PTPRM: variants seen among roughly 807,000 people sequenced by gnomAD.
PTPRM encodes the protein receptor-type tyrosine-protein phosphatase mu.
Under a neutral mutation model 186.7 loss-of-function variants are expected in PTPRM, and 47 were observed. The ratio of observed to expected loss-of-function variants is 0.25; its 90% CI spans 0.20 to 0.32. PTPRM has a LOEUF of 0.32. Among genes scored for constraint, PTPRM ranks in the 10% least tolerant of loss-of-function variants. The probability of loss-of-function intolerance (pLI) is 1.00; values close to 1 mark genes in which losing one functional copy is unlikely to be tolerated. For synonymous variants in PTPRM, 668 were observed against 674.9 expected (o/e 0.99, Z 0.16); for missense variants, 1,494 against 1,865.0 (o/e 0.80, Z 3.66).
At chr18:7,804,289 G>A (rs1410449025) in intron 2 of PTPRM, among the ~76,000 whole-genome samples, 1 of 152,108 alleles carries the variant, frequency 6.6e-6, no homozygotes, top group Non-Finnish European at 1.5e-5. Context: ...AAGTCCTGGA[G>A]TTGAGTCTCA....
intron 2 of PTPRM, among the ~76,000 whole-genome samples, chr18:7,832,112 T>A (rs1011350264): frequency 6.6e-6 from 1 of 152,224 alleles, no homozygotes; most frequent in Admixed American, 6.5e-5. Flanking sequence ...CTCTTCCATA[T>A]GCTGATTTCT....
chr18:8,341,647 C>T (rs1290997602), intron 22 of PTPRM, among the ~76,000 whole-genome samples: 1 of 151,016 alleles, frequency 6.6e-6, no homozygotes, highest in Non-Finnish European at 1.5e-5. Context: ...CTGGAAGTTT[C>T]TGAGTAGGTG....
chr18:7,867,143 CTT>C (rs2047749208), intron 2 of PTPRM, among the ~76,000 whole-genome samples: 1 of 152,200 alleles, frequency 6.6e-6, no homozygotes, highest in South Asian at 2.1e-4. Context: ...GGTCTCGACT[CTT>C]TGTCCAGTTT....
chr18:7,939,863 G>C (rs1057436421), intron 5 of PTPRM, among the ~76,000 whole-genome samples: 1 of 152,132 alleles, frequency 6.6e-6, no homozygotes, highest in Non-Finnish European at 1.5e-5. Context: ...AGTGCTTGAC[G>C]GGGCTGCCTG....
chr18:7,594,619 A>C (rs751476613), intron 1 of PTPRM, among the ~76,000 whole-genome samples: 1 of 152,234 alleles, frequency 6.6e-6, no homozygotes, highest in Non-Finnish European at 1.5e-5. Context: ...AAGGAAATGC[A>C]GAAAGCCTTT....
rs1472903641 is a variant in PTPRM, at chr18:8,319,118, G to T, written c.2920-60G>T. The T allele has an allele frequency of 3.4e-6, 4 of 1,181,780 alleles. No individual in the cohort carries two copies. The South Asian group carries it at 4.0e-5, about 12-fold the overall frequency. 73.2% of individuals were successfully genotyped at this position (1,181,780 alleles called of 1,614,324 possible). ...ATTCCTTTCAGCAAAGTTAGCATGC[G>T]ACTTATCTGCTGTTTATCGATTTTA... On this transcript the variant is annotated intron_variant, in intron 21 of 32. Transcript: ENST00000580170.
At chr18:7,692,877 A>C (rs1050163050) in intron 1 of PTPRM, among the ~76,000 whole-genome samples, 3 of 152,342 alleles carry the variant, frequency 2.0e-5, no homozygotes, top group Admixed American at 1.3e-4. Context: ...GAGATGGTAC[A>C]TTTATCCTTC....
At chr18:7,571,147 G>A (rs1023477372) in intron 1 of PTPRM, among the ~76,000 whole-genome samples, 1 of 151,918 alleles carries the variant, frequency 6.6e-6, no homozygotes, top group Non-Finnish European at 1.5e-5. Context: ...TCACCATGTT[G>A]GCCAGGATGG....
Position 8,304,053 on chromosome 18 carries a change from A to G in PTPRM, c.2842+7598A>G, listed in dbSNP as rs142379682. On this transcript the variant is annotated intron_variant, in intron 20 of 32. Coordinates refer to ENST00000580170, the MANE Select transcript of PTPRM (RefSeq NM_001105244.2). ...TATTACCTTGATAATTGTGATTCCA[A>G]TTTACCTTATATATGTCACCAGTAT... 6.8e-4 allele frequency among the ~76,000 whole-genome samples: 103 copies of G among 152,138 alleles called. 1 individual carries two copies. Among genetic ancestry groups the G allele is most frequent in the African/African-American group, 2.2e-3 (93 of 41,548 alleles).
intron 20 of PTPRM, among the ~76,000 whole-genome samples, chr18:8,304,799 A>G (rs1601722114): frequency 1.4e-5 from 2 of 141,392 alleles, no homozygotes; most frequent in South Asian, 4.5e-4. Flanking sequence ...TTATTTTTCT[A>G]TCTCTTGAAG....
At chr18:7,910,807 G>A (rs1250577488) in intron 4 of PTPRM, among the ~76,000 whole-genome samples, 3 of 152,152 alleles carry the variant, frequency 2.0e-5, no homozygotes, top group African/African-American at 7.2e-5. Flanking sequence ...GTGTGCAAAG[G>A]AAGTAGTCTC....
At chr18:8,020,372 C>T (rs532628623) in intron 7 of PTPRM, among the ~76,000 whole-genome samples, 44 of 152,228 alleles carry the variant, frequency 2.9e-4, no homozygotes, top group Non-Finnish European at 4.7e-4. Flanking sequence ...TTCAGTATTT[C>T]TCTACACTGT....
intron 2 of PTPRM, among the ~76,000 whole-genome samples, chr18:7,803,801 G>T (rs555781013): frequency 6.6e-6 from 1 of 152,250 alleles, no homozygotes; most frequent in Admixed American, 6.5e-5. Flanking sequence ...TGCATTTGGA[G>T]GCTCTTCACG....
intron 31 of PTPRM, among the ~76,000 whole-genome samples, chr18:8,390,935 AAATAAT>A (rs71356213): frequency 0.036 from 5,176 of 143,356 alleles, 154 homozygotes; most frequent in East Asian, 0.14. Context: ...CTCAAAAAGA[AAATAAT>A]AATAATAATA....
intron 7 of PTPRM, among the ~76,000 whole-genome samples, chr18:8,052,560 A>C (rs2087585159): frequency 6.6e-6 from 1 of 151,992 alleles, no homozygotes; most frequent in Non-Finnish European, 1.5e-5. Context: ...GGGTAAGTGC[A>C]CTCTATGATG....
At chr18:8,230,065 A>G (rs1475259910) in intron 14 of PTPRM, among the ~76,000 whole-genome samples, 2 of 152,350 alleles carry the variant, frequency 1.3e-5, no homozygotes, top group South Asian at 2.1e-4. Flanking sequence ...AGGAAGATAC[A>G]TATCCAAGTC....
At chr18:8,085,595 G>T in intron 9 of PTPRM, 76 bp from the exon 10 acceptor site, 1 of 1,285,372 alleles carries the variant, frequency 7.8e-7, no homozygotes, top group Non-Finnish European at 1.1e-6. Flanking sequence ...GCATACATCA[G>T]AAGGGTTTAT....
At chr18:7,609,796 A>C (rs1330611705) in intron 1 of PTPRM, among the ~76,000 whole-genome samples, 1 of 152,154 alleles carries the variant, frequency 6.6e-6, no homozygotes, top group Non-Finnish European at 1.5e-5. Flanking sequence ...GTATTTCCAC[A>C]GAGGTGAGAA....
intron 14 of PTPRM, among the ~76,000 whole-genome samples, chr18:8,237,431 A>ATTTTTTTTTTT: frequency 1.4e-5 from 1 of 71,674 alleles, no homozygotes; most frequent in Non-Finnish European, 2.9e-5. Flanking sequence ...GATTCCCTCA[A>ATTTTTTTTTTT]TTTTTTTTTT....
Sources: gnomAD v4.1 joint callset for allele counts (sites outside exome capture counted in the v4.1 genomes callset) on GRCh38, gnomAD v4.1.1 for gene constraint, MANE v1.5 for transcripts, NCBI Gene and HGNC (gene_info 2026-07-23, HGNC 2026-07-21) for gene names.